Variants in MACROD2 observed in about 807,000 individuals in gnomAD.
MACROD2 encodes mono-ADP ribosylhydrolase 2, also known as ADP-ribose glycohydrolase MACROD2.
Under a neutral mutation model 70.4 loss-of-function variants are expected in MACROD2, and 36 were observed. The observed-to-expected ratio is 0.51, with a 90% CI of 0.39 to 0.68. The LOEUF (loss-of-function observed/expected upper bound fraction) is 0.68, where lower values mean the gene tolerates loss of function less well. Among genes scored for constraint, MACROD2 ranks in the 30% least tolerant of loss-of-function variants. MACROD2 has a pLI of 0.00. For missense variants in MACROD2, 496 were observed against 538.4 expected (o/e 0.92, Z 0.78); for synonymous variants, 172 against 178.8 (o/e 0.96, Z 0.30).
At chr20:15,170,510 C>G (rs1281600623) in intron 5 of MACROD2, among the ~76,000 whole-genome samples, 1 of 152,098 alleles carries the variant, frequency 6.6e-6, no homozygotes, top group Admixed American at 6.5e-5. Context: ...TAGTCAGCAG[C>G]CCTAGAGGTC....
intron 7 of MACROD2, among the ~76,000 whole-genome samples, chr20:15,466,656 T>C (rs574298759): frequency 7.2e-5 from 11 of 152,316 alleles, no homozygotes; most frequent in Non-Finnish European, 1.5e-4. Context: ...ATACTTCCTG[T>C]GAAAACCTTT....
chr20:14,919,315 C>A (rs1388825040), intron 5 of MACROD2, among the ~76,000 whole-genome samples: 1 of 152,130 alleles, frequency 6.6e-6, no homozygotes, highest in African/African-American at 2.4e-5. Context: ...CATTTTTAAC[C>A]ATTTGGGATA....
intron 10 of MACROD2, among the ~76,000 whole-genome samples, chr20:15,898,128 A>G (rs995898109): frequency 2.0e-5 from 3 of 152,148 alleles, no homozygotes; most frequent in East Asian, 3.9e-4. Context: ...CTCACGACCA[A>G]TGCTAAAACT....
intron 5 of MACROD2, among the ~76,000 whole-genome samples, chr20:14,769,926 C>T (rs187427165): frequency 7.9e-5 from 12 of 151,694 alleles, no homozygotes; most frequent in Non-Finnish European, 1.3e-4. Context: ...ATGAGTTACC[C>T]GAGGAAATGT....
chr20:14,551,551 C>T (rs1473973616), intron 4 of MACROD2, among the ~76,000 whole-genome samples: 2 of 152,110 alleles, frequency 1.3e-5, no homozygotes, highest in Admixed American at 6.5e-5. Context: ...TGCCAGGTGG[C>T]CTGGTGTACA....
At chr20:15,088,400 TATATATATATATATATA>T (rs2075765585) in intron 5 of MACROD2, among the ~76,000 whole-genome samples, 33 of 7,402 alleles carry the variant, frequency 4.5e-3, no homozygotes, top group South Asian at 0.013. Flanking sequence ...CTATATTTTA[TATATATATATATATATA>T]TATATATATA....
intron 5 of MACROD2, among the ~76,000 whole-genome samples, chr20:14,988,210 A>C (rs1254804899): frequency 6.6e-6 from 1 of 152,084 alleles, no homozygotes; most frequent in African/African-American, 2.4e-5. Context: ...CAAAAAATAC[A>C]AAAACTAGCA....
chr20:14,873,582 G>A (rs1228267361), intron 5 of MACROD2, among the ~76,000 whole-genome samples: 1 of 152,076 alleles, frequency 6.6e-6, no homozygotes, highest in East Asian at 1.9e-4. Context: ...TTTATTCAGG[G>A]CCGGGTGCAA....
chr20:14,333,485 A>G (rs1363275591), intron 3 of MACROD2, among the ~76,000 whole-genome samples: 3 of 152,184 alleles, frequency 2.0e-5, no homozygotes, highest in African/African-American at 7.2e-5. Context: ...CGAGTAAGAT[A>G]TTAATTTAGA....
intron 7 of MACROD2, among the ~76,000 whole-genome samples, chr20:15,469,828 GC>G (rs1251400164): frequency 6.6e-6 from 1 of 152,056 alleles, no homozygotes; most frequent in Non-Finnish European, 1.5e-5. Flanking sequence ...TCCATACCAG[GC>G]CCTATTCTAA....
At chr20:15,956,513 G>A (rs754492827) in intron 12 of MACROD2, among the ~76,000 whole-genome samples, 13 of 152,182 alleles carry the variant, frequency 8.5e-5, no homozygotes, top group Admixed American at 3.9e-4. Flanking sequence ...TGGAAAATCT[G>A]TGGGCAGTCC....
intron 8 of MACROD2, among the ~76,000 whole-genome samples, chr20:15,780,540 T>C (rs376147919): frequency 6.6e-6 from 1 of 152,170 alleles, no homozygotes; most frequent in East Asian, 1.9e-4. Context: ...TAGGCAAGGC[T>C]TTATCACGTA....
chr20:14,502,498 A>T (rs116769826), intron 4 of MACROD2, among the ~76,000 whole-genome samples: 1 of 152,152 alleles, frequency 6.6e-6, no homozygotes, highest in African/African-American at 2.4e-5. Context: ...ATTGTTTTGT[A>T]TACTAGTTTC....
chr20:15,201,958 A>G (rs886780926), intron 5 of MACROD2, among the ~76,000 whole-genome samples: 17 of 152,224 alleles, frequency 1.1e-4, no homozygotes, highest in African/African-American at 4.1e-4. Context: ...TGGCATGTGT[A>G]TAAAATACAG....
chr20:15,734,807 A>G (rs938019057), intron 8 of MACROD2, among the ~76,000 whole-genome samples: 2 of 152,204 alleles, frequency 1.3e-5, no homozygotes, highest in Admixed American at 6.5e-5. Context: ...CTGTGATTCA[A>G]TGAAATACAT....
At chr20:15,457,052 CTTCTT>C (rs752576371) in intron 7 of MACROD2, among the ~76,000 whole-genome samples, 1 of 71,648 alleles carries the variant, frequency 1.4e-5, no homozygotes, top group Non-Finnish European at 2.5e-5. Context: ...TCTTTCCTTT[CTTCTT>C]TTTTTTTTTT....
At chr20:15,002,750 G>A (rs183607092) in intron 5 of MACROD2, among the ~76,000 whole-genome samples, 1 of 152,264 alleles carries the variant, frequency 6.6e-6, no homozygotes, top group East Asian at 1.9e-4. Flanking sequence ...GAAGACAATT[G>A]GGAGTAGTGT....
At chr20:14,238,683 T>A (rs1384723006) in intron 3 of MACROD2, among the ~76,000 whole-genome samples, 3 of 152,122 alleles carry the variant, frequency 2.0e-5, no homozygotes, top group East Asian at 1.9e-4. Context: ...AAAAGCTCCT[T>A]GAGCTGATAA....
At chr20:15,338,408 T>A (rs1158050326) in intron 6 of MACROD2, among the ~76,000 whole-genome samples, 1 of 151,594 alleles carries the variant, frequency 6.6e-6, no homozygotes, top group Non-Finnish European at 1.5e-5. Context: ...CAAAGTGCCC[T>A]GCTGCCATAG....
Sources: gnomAD v4.1 joint callset for allele counts (sites outside exome capture counted in the v4.1 genomes callset) on GRCh38, gnomAD v4.1.1 for gene constraint, MANE v1.5 for transcripts, NCBI Gene and HGNC (gene_info 2026-07-23, HGNC 2026-07-21) for gene names.